The following TPD52 variants were observed in gnomAD, a reference collection of about 807,000 sequenced individuals.
TPD52 encodes the protein prostate and colon associated protein.
In TPD52, 17 loss-of-function variants were observed where a neutral mutation model predicts 31.3. The ratio of observed to expected loss-of-function variants is 0.54; its 90% CI spans 0.37 to 0.82. The LOEUF is 0.82. Among genes scored for constraint, TPD52 ranks in the 40% least tolerant of loss-of-function variants. TPD52 has a pLI of 0.00. For missense variants in TPD52, 212 were observed against 240.1 expected, an observed-to-expected ratio of 0.88 and a Z score of 0.77; for synonymous variants, 83 against 89.6, an observed-to-expected ratio of 0.93 and a Z score of 0.42.
At chr8:80,150,150 AG>A (rs1441450773) in intron 1 of TPD52, among the ~76,000 whole-genome samples, 1 of 152,228 alleles carries the variant, frequency 6.6e-6, no homozygotes, top group East Asian at 1.9e-4. Flanking sequence ...CATGGCTAAA[AG>A]GGGCCAAGGT....
At chr8:80,057,770 T>G (rs1330358716) in intron 2 of TPD52, among the ~76,000 whole-genome samples, 1 of 152,100 alleles carries the variant, frequency 6.6e-6, no homozygotes, top group Non-Finnish European at 1.5e-5. Flanking sequence ...GGCATTACCA[T>G]GTAACAAACC....
In TPD52 at chr8:80,094,450, A is replaced by ATATATT. The variant is rs1333139076; in HGVS notation, c.20-29858_20-29857insAATATA. On this transcript the variant is annotated intron_variant, in intron 1 of 7. Transcript: ENST00000518937. ...AAATTTTATATATATATATATATATATATATATATATATATATATATATAT... is the reference window on the plus strand; with the variant it reads ...AAATTTTATATATATATATATATATATATATTTATATATATATATATATATATATAT... Among the ~76,000 whole-genome samples, 143 of 63,090 alleles carry ATATATT rather than the reference A, an allele frequency of 2.3e-3. 1 individual carries two copies. The highest frequency in any genetic ancestry group is 0.013 in the African/African-American group (138 of 10,370). The allele number at this position is 63,090 out of a possible 152,430, so 41.4% of individuals were successfully genotyped here.
At chr8:80,111,765 C>T (rs1482147155) in intron 1 of TPD52, among the ~76,000 whole-genome samples, 1 of 152,184 alleles carries the variant, frequency 6.6e-6, no homozygotes, top group African/African-American at 2.4e-5. Context: ...ACTCTTGGGT[C>T]AGGCAGAGCC....
In TPD52 at chr8:80,046,018, G is replaced by A. The variant is rs75454047; in HGVS notation, c.414-1810C>T. On this transcript the variant is annotated intron_variant, in intron 5 of 7. Coordinates refer to ENST00000518937, the MANE Select transcript of TPD52 (RefSeq NM_001025253.3). ...GGTGGATAAGTAAGTGCAAATTTCA[G>A]AATTTCACAGCTAATTCTAGTCACT... 5.7e-3 allele frequency among the ~76,000 whole-genome samples: 872 copies of A among 152,242 alleles called. 12 individuals are homozygous for A. Among genetic ancestry groups the A allele is most frequent in the East Asian group, 0.052 (267 of 5,178 alleles).
At chr8:80,085,472 C>T (rs1013349187) in intron 1 of TPD52, among the ~76,000 whole-genome samples, 7 of 152,134 alleles carry the variant, frequency 4.6e-5, no homozygotes, top group South Asian at 2.1e-4. Flanking sequence ...TTGGAGGGCA[C>T]GTCAAAGGGA....
intron 1 of TPD52, among the ~76,000 whole-genome samples, chr8:80,125,036 C>T (rs1808508685): frequency 6.6e-6 from 1 of 152,078 alleles, no homozygotes. Context: ...TAAAGCTTCC[C>T]TGATGATTCT....
At chr8:80,100,903 T>C (rs1332808078) in intron 1 of TPD52, among the ~76,000 whole-genome samples, 2 of 152,158 alleles carry the variant, frequency 1.3e-5, no homozygotes, top group African/African-American at 2.4e-5. Flanking sequence ...CAAATGTTGA[T>C]TTCATCCAAA....
At chr8:80,084,594 G>A (rs1229340475) in intron 1 of TPD52, among the ~76,000 whole-genome samples, 1 of 152,196 alleles carries the variant, frequency 6.6e-6, no homozygotes, top group African/African-American at 2.4e-5. Context: ...GCTACCCTGG[G>A]CTTCCCAGTT....
chr8:80,146,290 G>A (rs1022927695), intron 1 of TPD52, among the ~76,000 whole-genome samples: 2 of 152,168 alleles, frequency 1.3e-5, no homozygotes, highest in African/African-American at 4.8e-5. Flanking sequence ...TGTTGCTAAG[G>A]GCAATTCTTA....
In TPD52 at chr8:80,036,967, T is replaced by C. The variant is rs1339116069; in HGVS notation, c.*1149A>G. 6.6e-6 allele frequency: 1 copy of C among 152,430 alleles called. No homozygotes were observed. Among genetic ancestry groups the C allele is most frequent in the Non-Finnish European group, 1.5e-5 (1 of 68,000 alleles). The allele number at this position is 152,430 out of a possible 1,614,324, so 9.4% of individuals were successfully genotyped here. On this transcript the variant is annotated 3_prime_UTR_variant, in exon 8 of 8. Coordinates refer to ENST00000518937, the MANE Select transcript of TPD52 (RefSeq NM_001025253.3). ...ATACCTTGGCCTCTATGCAAATATG[T>C]CTAGACACTTTGATTCACTCAGCCC...
intron 5 of TPD52, among the ~76,000 whole-genome samples, chr8:80,049,899 G>C (rs2130502410): frequency 6.6e-6 from 1 of 152,130 alleles, no homozygotes; most frequent in Admixed American, 6.5e-5. Context: ...CTATAAGCTA[G>C]TAAAACAAGT....
At chr8:80,070,949 G>A (rs1254766924) in intron 1 of TPD52, among the ~76,000 whole-genome samples, 1 of 152,176 alleles carries the variant, frequency 6.6e-6, no homozygotes, top group African/African-American at 2.4e-5. Flanking sequence ...AATGGTTCAT[G>A]TCCTTATAAG....
intron 1 of TPD52, chr8:80,080,765 C>G: frequency 9.5e-7 from 1 of 1,051,642 alleles, no homozygotes; most frequent in Non-Finnish European, 1.1e-6. Flanking sequence ...CCTCAGTCAA[C>G]AAAGAAGGGC....
At chr8:80,171,034 A>G (rs144139800) in intron 1 of TPD52, 58 of 481,250 alleles carry the variant, frequency 1.2e-4, no homozygotes, top group African/African-American at 1.1e-3. Flanking sequence ...GAGGGACGAG[A>G]GCGACTCACT....
intron 1 of TPD52, among the ~76,000 whole-genome samples, chr8:80,127,287 T>C (rs867867242): frequency 2.0e-5 from 3 of 152,228 alleles, no homozygotes; most frequent in South Asian, 2.1e-4. Flanking sequence ...TCCAAACTGA[T>C]GGCCTGAATA....
At chr8:80,111,333 G>C (rs2130981238) in intron 1 of TPD52, among the ~76,000 whole-genome samples, 1 of 152,288 alleles carries the variant, frequency 6.6e-6, no homozygotes, top group East Asian at 1.9e-4. Flanking sequence ...TCTGAAGTGG[G>C]GGACAGTCTT....
intron 1 of TPD52, among the ~76,000 whole-genome samples, chr8:80,141,386 T>C (rs1186272311): frequency 6.6e-6 from 1 of 152,178 alleles, no homozygotes; most frequent in East Asian, 1.9e-4. Flanking sequence ...TCTCTTTCTC[T>C]TGCATCATTT....
chr8:80,091,494 G>T (rs981108648), intron 1 of TPD52, among the ~76,000 whole-genome samples: 3 of 151,650 alleles, frequency 2.0e-5, no homozygotes, highest in East Asian at 1.9e-4. Context: ...ACACAAAAGA[G>T]CATTACTATT....
intron 1 of TPD52, among the ~76,000 whole-genome samples, chr8:80,126,088 G>A (rs889491768): frequency 1.3e-5 from 2 of 152,194 alleles, no homozygotes; most frequent in African/African-American, 2.4e-5. Flanking sequence ...GATTTATGGA[G>A]TCTGTAAAAT....
Sources: gnomAD v4.1 joint callset for allele counts (sites outside exome capture counted in the v4.1 genomes callset) on GRCh38, gnomAD v4.1.1 for gene constraint, MANE v1.5 for transcripts, NCBI Gene and HGNC (gene_info 2026-07-23, HGNC 2026-07-21) for gene names.